The following LIPC variants were observed in gnomAD, a reference collection of about 807,000 sequenced individuals.
LIPC encodes hepatic triacylglycerol lipase.
A neutral mutation model predicts 50.7 loss-of-function variants in LIPC; 44 were observed. The observed-to-expected ratio is 0.87, with a 90% CI of 0.68 to 1.11. LIPC has a LOEUF of 1.11. Among genes scored for constraint, LIPC ranks in the 50% most tolerant of loss-of-function variants. LIPC has a pLI of 0.00. For missense variants in LIPC, 697 were observed against 648.2 expected (o/e 1.08, Z -0.82); for synonymous variants, 271 against 256.4 (o/e 1.06, Z -0.54).
At chr15:58,433,525 C>T (rs1346678959) in intron 1 of LIPC, among the ~76,000 whole-genome samples, 1 of 152,214 alleles carries the variant, frequency 6.6e-6, no homozygotes, top group African/African-American at 2.4e-5. Flanking sequence ...CATGCAGTTT[C>T]GTGGAGTTGA....
At chr15:58,506,395 C>A (rs1181641441) in intron 1 of LIPC, among the ~76,000 whole-genome samples, 2 of 152,176 alleles carry the variant, frequency 1.3e-5, no homozygotes, top group African/African-American at 4.8e-5. Flanking sequence ...TGAAAGGGCA[C>A]CCTCCCACAG....
intron 1 of LIPC, among the ~76,000 whole-genome samples, chr15:58,534,414 T>C (rs1469006588): frequency 1.3e-5 from 2 of 152,162 alleles, no homozygotes; most frequent in Admixed American, 1.3e-4. Context: ...TTCAGGGCTC[T>C]ATTCCTTCCA....
intron 7 of LIPC, 33 bp from the exon 8 acceptor site, chr15:58,563,472 C>T: frequency 6.4e-7 from 1 of 1,553,556 alleles, no homozygotes; most frequent in Non-Finnish European, 8.9e-7. Context: ...TACGACTAAA[C>T]TGATTGTGTC....
chr15:58,432,331 C>A lies in LIPC; in HGVS notation c.88+211C>A, dbSNP rs1209277181. The A allele has an allele frequency of 5.0e-6, 3 of 596,262 alleles. 1 individual carries two copies. The highest frequency in any genetic ancestry group is 3.0e-6 in the Non-Finnish European group (1 of 335,406). 36.9% of individuals were successfully genotyped at this position (596,262 alleles called of 1,614,324 possible). On this transcript the variant is annotated intron_variant, in intron 1 of 8. Coordinates refer to ENST00000299022, the MANE Select transcript of LIPC (RefSeq NM_000236.3). ...AGAAAATCATCCTCGGATTAAAAGT[C>A]TTCTAAGAGTGCCTGCAGCTAGCAG... is the stretch of plus-strand genomic sequence containing the variant.
At chr15:58,537,052 A>G (rs1893146135) in intron 1 of LIPC, among the ~76,000 whole-genome samples, 1 of 152,246 alleles carries the variant, frequency 6.6e-6, no homozygotes, top group African/African-American at 2.4e-5. Context: ...AAAAGGTCAG[A>G]GCGGCCTTGT....
At chr15:58,440,978 C>T (rs989027568) in intron 1 of LIPC, among the ~76,000 whole-genome samples, 1 of 152,140 alleles carries the variant, frequency 6.6e-6, no homozygotes, top group Non-Finnish European at 1.5e-5. Context: ...TTGTCCTCAT[C>T]CTGGAGGCAG....
chr15:58,560,641 C>T (rs933254675), intron 6 of LIPC, among the ~76,000 whole-genome samples: 3 of 29,654 alleles, frequency 1.0e-4, no homozygotes, highest in Admixed American at 6.4e-4. Context: ...ATCATTATTA[C>T]ATTACAAACA....
At chr15:58,469,514 G>T (rs1894706078) in intron 1 of LIPC, among the ~76,000 whole-genome samples, 1 of 152,168 alleles carries the variant, frequency 6.6e-6, no homozygotes, top group South Asian at 2.1e-4. Context: ...TTCAATTAAA[G>T]ATCACCAGCT....
intron 3 of LIPC, 113 bp downstream of exon 3, chr15:58,542,080 C>T (rs1384934618): frequency 8.2e-7 from 1 of 1,221,280 alleles, no homozygotes. Context: ...AGCACTAATG[C>T]TCAGCTCACA....
intron 1 of LIPC, among the ~76,000 whole-genome samples, chr15:58,449,562 T>C (rs1893828948): frequency 6.6e-6 from 1 of 152,100 alleles, no homozygotes; most frequent in South Asian, 2.1e-4. Flanking sequence ...TGTTCTTTTT[T>C]TTTTTTTTAA....
At chr15:58,498,396 C>T (rs1038957714) in intron 1 of LIPC, among the ~76,000 whole-genome samples, 3 of 152,010 alleles carry the variant, frequency 2.0e-5, no homozygotes, top group African/African-American at 4.8e-5. Context: ...TGAGCCCCTG[C>T]GTTATCAATA....
intron 1 of LIPC, among the ~76,000 whole-genome samples, chr15:58,474,719 C>T (rs886361573): frequency 1.9e-4 from 29 of 152,250 alleles, no homozygotes; most frequent in Middle Eastern, 3.4e-3. Context: ...CCTTCGAGGT[C>T]GTTCCCTGGC....
chr15:58,492,176 C>T (rs775007436), intron 1 of LIPC, among the ~76,000 whole-genome samples: 1 of 152,128 alleles, frequency 6.6e-6, no homozygotes, highest in Non-Finnish European at 1.5e-5. Flanking sequence ...TGTGGCCCAC[C>T]CTGCCCTCAG....
At chr15:58,486,353 C>G (rs868511433) in intron 1 of LIPC, among the ~76,000 whole-genome samples, 1 of 152,172 alleles carries the variant, frequency 6.6e-6, no homozygotes, top group African/African-American at 2.4e-5. Context: ...AGTATATCAG[C>G]TCAATCCCAT....
intron 1 of LIPC, among the ~76,000 whole-genome samples, chr15:58,456,581 C>T (rs1157352017): frequency 2.6e-5 from 4 of 152,120 alleles, no homozygotes; most frequent in Admixed American, 6.5e-5. Context: ...GGGTGTCACT[C>T]CCTCCTAGGA....
intron 1 of LIPC, among the ~76,000 whole-genome samples, chr15:58,528,651 C>T (rs1892860879): frequency 6.6e-6 from 1 of 152,174 alleles, no homozygotes; most frequent in South Asian, 2.1e-4. Flanking sequence ...ACTACAGGCA[C>T]GCACCACCAT....
At chr15:58,494,053 G>A (rs1170791753) in intron 1 of LIPC, among the ~76,000 whole-genome samples, 3 of 152,184 alleles carry the variant, frequency 2.0e-5, no homozygotes, top group African/African-American at 7.2e-5. Context: ...TGCTCATGAG[G>A]AGATTGGCAG....
chr15:58,506,573 G>A (rs1435519301), intron 1 of LIPC, among the ~76,000 whole-genome samples: 1 of 152,210 alleles, frequency 6.6e-6, no homozygotes, highest in African/African-American at 2.4e-5. Flanking sequence ...CAGAGCCCTA[G>A]CTTCTGAGAT....
chr15:58,504,153 T>A (rs1892073437), intron 1 of LIPC, among the ~76,000 whole-genome samples: 1 of 151,846 alleles, frequency 6.6e-6, no homozygotes, highest in Non-Finnish European at 1.5e-5. Context: ...CTGGCTGGAG[T>A]GAACAAGCTC....
Sources: gnomAD v4.1 joint callset for allele counts (sites outside exome capture counted in the v4.1 genomes callset) on GRCh38, gnomAD v4.1.1 for gene constraint, MANE v1.5 for transcripts, NCBI Gene and HGNC (gene_info 2026-07-23, HGNC 2026-07-21) for gene names.